Variants in RPS6KA6 observed in about 807,000 individuals in gnomAD.
RPS6KA6 encodes the protein ribosomal protein S6 kinase alpha-6.
RPS6KA6 carries 27 observed loss-of-function variants against 65.4 expected under a neutral mutation model. The observed-to-expected ratio is 0.41, with a 90% confidence interval of 0.30 to 0.57. The LOEUF (loss-of-function observed/expected upper bound fraction) is 0.57, where lower values mean the gene tolerates loss of function less well. Among genes scored for constraint, RPS6KA6 ranks in the 20% least tolerant of loss-of-function variants. RPS6KA6 has a pLI of 0.24. For missense variants in RPS6KA6, 486 were observed against 555.6 expected (o/e 0.87, Z 1.26); for synonymous variants, 190 against 184.2 (o/e 1.03, Z -0.26).
intron 1 of RPS6KA6, among the ~76,000 whole-genome samples, chrX:84,164,627 G>A (rs1166884349): frequency 1.8e-5 from 2 of 111,393 alleles, no homozygotes; most frequent in Non-Finnish European, 3.8e-5. Flanking sequence ...ATTGTTTAGA[G>A]TTTTGCAATA....
intron 11 of RPS6KA6, among the ~76,000 whole-genome samples, chrX:84,116,491 C>T (rs915040392): frequency 3.6e-5 from 4 of 111,186 alleles, no homozygotes; most frequent in Admixed American, 2.9e-4. Flanking sequence ...TATTGAACTA[C>T]AATAAAGTGT....
intron 17 of RPS6KA6, among the ~76,000 whole-genome samples, chrX:84,103,971 T>A (rs953850049): frequency 1.8e-5 from 2 of 110,819 alleles, no homozygotes; most frequent in African/African-American, 6.5e-5. Context: ...TATTAAAAGT[T>A]CCCTTTTTTT....
intron 1 of RPS6KA6, chrX:84,186,024 G>A (rs775894671): frequency 2.0e-6 from 1 of 508,816 alleles, no homozygotes; most frequent in Middle Eastern, 3.2e-4. Flanking sequence ...AACTGTTTTA[G>A]AGAAAGAAGG....
intron 3 of RPS6KA6, among the ~76,000 whole-genome samples, chrX:84,148,717 G>A (rs778464137): frequency 4.7e-4 from 52 of 111,131 alleles, no homozygotes; most frequent in Middle Eastern, 4.7e-3. Flanking sequence ...AATTAAATAT[G>A]CTTTATTGCT....
chrX:84,096,385 C>A, intron 19 of RPS6KA6, 74 bp from the exon 20 acceptor site: 1 of 434,299 alleles, frequency 2.3e-6, no homozygotes, highest in Non-Finnish European at 3.8e-6. Flanking sequence ...CATATATTTA[C>A]TACATGCAAA....
intron 20 of RPS6KA6, among the ~76,000 whole-genome samples, chrX:84,083,326 A>C (rs6622907): frequency 0.062 from 6,960 of 112,392 alleles, 230 homozygotes; most frequent in East Asian, 0.2. Context: ...ACAGATTAAC[A>C]CGTCACTTAG....
intron 20 of RPS6KA6, among the ~76,000 whole-genome samples, chrX:84,080,339 A>G (rs1456582271): frequency 1.3e-5 from 1 of 78,911 alleles, no homozygotes; most frequent in Admixed American, 1.6e-4. Context: ...CATCAACAAA[A>G]AGGATGTCCA....
intron 6 of RPS6KA6, among the ~76,000 whole-genome samples, chrX:84,143,903 C>T (rs1165004464): frequency 9.0e-6 from 1 of 110,921 alleles, no homozygotes; most frequent in Non-Finnish European, 1.9e-5. Flanking sequence ...AACTGGTTTT[C>T]AAGAAAAATG....
At chrX:84,134,139 T>C (rs1313604425) in intron 8 of RPS6KA6, among the ~76,000 whole-genome samples, 1 of 111,911 alleles carries the variant, frequency 8.9e-6, no homozygotes, top group Non-Finnish European at 1.9e-5. Flanking sequence ...TTGAGATTCA[T>C]CCAAGTTGCT....
Position 84,102,122 on chromosome X carries a change from C to T in RPS6KA6, c.1691G>A (p.Cys564Tyr). The change falls in exon 18 of 22, where the codon TGT becomes TAT. Residue 564 changes from cysteine (C) to tyrosine (Y), a missense_variant. Physicochemically the swap from Cys to Tyr is radical, Grantham distance 194. Coordinates refer to ENST00000262752, the MANE Select transcript of RPS6KA6 (RefSeq NM_014496.5). The part of the protein sequence containing the change: ...ESASADSIRI[C>Y]DFGFAKQLRG... ...AAGTTGTTTTGCAAACCCAAAATCA[C>T]ATATCCTGATTGAATCTGCACTGGC... The T allele has an allele frequency of 8.4e-7, 1 of 1,195,476 alleles. No individual in the cohort carries two copies.
chrX:84,071,038 T>A (rs1176437835), intron 20 of RPS6KA6, among the ~76,000 whole-genome samples: 1 of 111,830 alleles, frequency 8.9e-6, no homozygotes, highest in East Asian at 2.8e-4. Context: ...TGCTTCAGCT[T>A]ACCAACCTGA....
At chrX:84,097,894 A>C in intron 18 of RPS6KA6, 46 bp from the exon 19 acceptor site, 8 of 895,490 alleles carry the variant, frequency 8.9e-6, no homozygotes, top group Non-Finnish European at 1.3e-5. Context: ...ATATAAACTC[A>C]ATTTTCTCCC....
chrX:84,168,423 T>C (rs1569242616), intron 1 of RPS6KA6, among the ~76,000 whole-genome samples: 1 of 111,627 alleles, frequency 9.0e-6, no homozygotes, highest in Non-Finnish European at 1.9e-5. Context: ...CTGCTTCATA[T>C]CTGCTCTTTC....
chrX:84,169,720 A>G (rs12387112), intron 1 of RPS6KA6, among the ~76,000 whole-genome samples: 11 of 112,203 alleles, frequency 9.8e-5, no homozygotes, highest in Middle Eastern at 4.6e-3. Context: ...AGAAGACAGT[A>G]GAGAGATACA....
rs978791635 is a variant in RPS6KA6, at chrX:84,097,768, T to C, written c.1853+4A>G. ...GTTAATGCTTTTGAATATATGTTTC[T>C]TACCCAGCCAACATTGTGTAAAAAA... On this transcript the variant is annotated splice_donor_region_variant and intron_variant, in intron 19 of 21. Transcript: ENST00000262752. The C allele has an allele frequency of 1.7e-6, 2 of 1,152,300 alleles. No homozygotes were observed. The highest frequency in any genetic ancestry group is 1.2e-6 in the Non-Finnish European group (1 of 844,905). 95.0% of individuals were successfully genotyped at this position (1,152,300 alleles called of 1,213,427 possible).
chrX:84,159,554 A>G (rs755881904), intron 2 of RPS6KA6, among the ~76,000 whole-genome samples: 8 of 111,259 alleles, frequency 7.2e-5, no homozygotes, highest in Non-Finnish European at 1.5e-4. Flanking sequence ...CATTAAGCAC[A>G]TATCCTATTA....
At chrX:84,170,348 G>A (rs947472411) in intron 1 of RPS6KA6, among the ~76,000 whole-genome samples, 2 of 110,011 alleles carry the variant, frequency 1.8e-5, no homozygotes, top group South Asian at 3.9e-4. Flanking sequence ...ATAAAGATCC[G>A]GCCAGGCATA....
In RPS6KA6 at chrX:84,059,140, T is replaced by G. The variant is rs2033260093; in HGVS notation, c.*5137A>C. 2 of 84,215 alleles carry G rather than the reference T, an allele frequency of 2.4e-5. No homozygotes were observed. Among genetic ancestry groups the G allele is most frequent in the Non-Finnish European group, 2.3e-5 (1 of 43,347 alleles). The allele number at this position is 84,215 out of a possible 1,213,427, so 6.9% of individuals were successfully genotyped here. ...TTTTTTTTTTTTTTTTTTTTTTTTTTTTTTTGTGAGACGGAGTTTCGCTCT... is the reference window on the plus strand; with the variant it reads ...TTTTTTTTTTTTTTTTTTTTTTTTTGTTTTTGTGAGACGGAGTTTCGCTCT... On this transcript the variant is annotated 3_prime_UTR_variant, in exon 22 of 22. Coordinates refer to ENST00000262752, the MANE Select transcript of RPS6KA6 (RefSeq NM_014496.5).
At chrX:84,163,609 G>A (rs1198018302) in intron 2 of RPS6KA6, among the ~76,000 whole-genome samples, 1 of 92,030 alleles carries the variant, frequency 1.1e-5, no homozygotes, top group East Asian at 3.6e-4. Context: ...ACTGCAGTCC[G>A]CAGTCCGGCC....
Sources: gnomAD v4.1 joint callset for allele counts (sites outside exome capture counted in the v4.1 genomes callset) on GRCh38, gnomAD v4.1.1 for gene constraint, MANE v1.5 for transcripts, NCBI Gene and HGNC (gene_info 2026-07-23, HGNC 2026-07-21) for gene names.